Variants in STPG4 observed in about 807,000 individuals in gnomAD.
The protein encoded by STPG4 is sperm-tail PG-rich repeat containing 4.
A neutral mutation model predicts 31.5 loss-of-function variants in STPG4; 41 were observed. That is an observed-to-expected ratio of 1.30 (90% CI 1.01 to 1.69). STPG4 has a LOEUF of 1.69. Ranked by LOEUF, STPG4 falls within the 40% of genes most tolerant of loss-of-function variation. STPG4 has a pLI of 0.00. For missense variants in STPG4, 375 were observed against 293.4 expected (o/e 1.28, Z -2.03); for synonymous variants, 141 against 103.0 (o/e 1.37, Z -2.24).
At chr2:47,111,010 C>T (rs1172504550) in intron 5 of STPG4, among the ~76,000 whole-genome samples, 2 of 152,108 alleles carry the variant, frequency 1.3e-5, no homozygotes, top group Admixed American at 6.5e-5. Flanking sequence ...TTGATCATAT[C>T]TTTGTATAGG....
Position 47,101,386 on chromosome 2 carries a change from G to A in STPG4, c.520-11012C>T, listed in dbSNP as rs544076836. On this transcript the variant is annotated intron_variant, in intron 5 of 6. Transcript: ENST00000445927. Reference sequence around the variant, plus strand: ...CCGACAACAAGTTGGTTGACCCTGCGGCCATGAGCAGAACTCTAAAAGCAT... The same window carrying A: ...CCGACAACAAGTTGGTTGACCCTGCAGCCATGAGCAGAACTCTAAAAGCAT... Among the ~76,000 whole-genome samples, 25 of 151,736 alleles carry A rather than the reference G, an allele frequency of 1.6e-4. 1 individual carries two copies. Among genetic ancestry groups the A allele is most frequent in the Admixed American group, 1.4e-3 (21 of 15,250 alleles).
At chr2:47,117,171 T>C (rs908680071) in intron 5 of STPG4, among the ~76,000 whole-genome samples, 9 of 152,304 alleles carry the variant, frequency 5.9e-5, no homozygotes, top group African/African-American at 2.2e-4. Flanking sequence ...TGCTAAGTTT[T>C]GGAGGTGGCT....
rs1159961973 is a variant in STPG4, at chr2:47,090,077, A to T, written c.624+193T>A. The stretch of plus-strand genomic sequence containing the variant: ...GTCACTCTGAACCTGAAGTTGGTTG[A>T]GAACATCCAGGTATTTGAGGATTTC... On this transcript the variant is annotated intron_variant, in intron 6 of 6. Coordinates refer to ENST00000445927, the MANE Select transcript of STPG4 (RefSeq NM_001163561.2). Among the ~76,000 whole-genome samples the T allele has an allele frequency of 2.0e-5, 3 of 152,334 alleles. No homozygotes were observed. The East Asian group carries it at 5.8e-4, about 29-fold the overall frequency.
At chr2:47,105,950 G>C (rs112189233) in intron 5 of STPG4, among the ~76,000 whole-genome samples, 7 of 151,938 alleles carry the variant, frequency 4.6e-5, no homozygotes, top group African/African-American at 1.5e-4. Context: ...AAAGAGGTGG[G>C]AATCTTACAC....
intron 3 of STPG4, among the ~76,000 whole-genome samples, chr2:47,139,504 C>T (rs570157892): frequency 3.6e-4 from 55 of 151,540 alleles, no homozygotes; most frequent in Non-Finnish European, 6.5e-4. Context: ...TTCTAATAAG[C>T]CTGTTGATCT....
chr2:47,120,660 T>C (rs2103767599), intron 5 of STPG4, among the ~76,000 whole-genome samples: 1 of 152,274 alleles, frequency 6.6e-6, no homozygotes, highest in East Asian at 1.9e-4. Flanking sequence ...GGGTCCGGGT[T>C]TCAGTCATAT....
Position 47,155,270 on chromosome 2 carries a change from T to C in STPG4, c.-19A>G, listed in dbSNP as rs1452413693. 3 of 1,613,530 alleles carry C rather than the reference T, an allele frequency of 1.9e-6. No homozygotes were observed. Among genetic ancestry groups the C allele is most frequent in the Non-Finnish European group, 2.5e-6 (3 of 1,179,530 alleles). On this transcript the variant is annotated 5_prime_UTR_variant, in exon 1 of 7. Transcript: ENST00000445927. ...GGTCCATGGTGGCCTCCTCTCTCTC[T>C]AGGCTGAACCTGAGCTCCGGTTGCT...
At chr2:47,107,717 C>A (rs1265824441) in intron 5 of STPG4, among the ~76,000 whole-genome samples, 1 of 152,178 alleles carries the variant, frequency 6.6e-6, no homozygotes, top group Non-Finnish European at 1.5e-5. Context: ...GGTGCGGGAT[C>A]CACTGGGTGA....
At chr2:47,112,339 G>GTT (rs528001478) in intron 5 of STPG4, among the ~76,000 whole-genome samples, 16 of 144,878 alleles carry the variant, frequency 1.1e-4, no homozygotes, top group Admixed American at 3.4e-4. Context: ...GCTAATTTTT[G>GTT]TTTTTTTTTT....
intron 3 of STPG4, among the ~76,000 whole-genome samples, chr2:47,150,270 T>C (rs887801762): frequency 2.0e-5 from 3 of 152,194 alleles, no homozygotes; most frequent in African/African-American, 7.2e-5. Context: ...CCAGCCTCCT[T>C]TGGCACTTGA....
At chr2:47,107,662 C>T (rs555325418) in intron 5 of STPG4, among the ~76,000 whole-genome samples, 9 of 152,264 alleles carry the variant, frequency 5.9e-5, no homozygotes, top group African/African-American at 1.4e-4. Context: ...CTGAGGAGTG[C>T]GGGCACATGG....
At chr2:47,144,706 TA>T (rs572882192) in intron 3 of STPG4, among the ~76,000 whole-genome samples, 1 of 151,056 alleles carries the variant, frequency 6.6e-6, no homozygotes, top group Non-Finnish European at 1.5e-5. Flanking sequence ...GATAAAATAT[TA>T]AAAAAAAACA....
At chr2:47,144,833 C>T (rs1830050) in intron 3 of STPG4, among the ~76,000 whole-genome samples, 13,565 of 152,172 alleles carry the variant, frequency 0.089, 824 homozygotes, top group Non-Finnish European at 0.12. Context: ...CAGGTTCAAA[C>T]GATTCTCCTG....
chr2:47,140,062 C>T (rs56082957), intron 3 of STPG4, among the ~76,000 whole-genome samples: 13,878 of 152,240 alleles, frequency 0.091, 845 homozygotes, highest in Non-Finnish European at 0.12. Context: ...GCGTGAGCCA[C>T]AGCACCCAGC....
At chr2:47,089,247 T>G (rs889786002) in intron 6 of STPG4, among the ~76,000 whole-genome samples, 1 of 152,146 alleles carries the variant, frequency 6.6e-6, no homozygotes. Flanking sequence ...GCCACTAAGG[T>G]GTGTGGATCC....
At chr2:47,138,392 G>A (rs1408815204) in intron 3 of STPG4, among the ~76,000 whole-genome samples, 1 of 150,664 alleles carries the variant, frequency 6.6e-6, no homozygotes, top group African/African-American at 2.4e-5. Flanking sequence ...AATTTGTTAA[G>A]GTTTTTTTTT....
intron 3 of STPG4, among the ~76,000 whole-genome samples, chr2:47,133,966 T>C (rs959041896): frequency 2.0e-5 from 3 of 152,068 alleles, no homozygotes. Flanking sequence ...ACACCATCAA[T>C]GTCAGAAAAC....
At chr2:47,092,939 C>T (rs1435855266) in intron 5 of STPG4, among the ~76,000 whole-genome samples, 4 of 152,102 alleles carry the variant, frequency 2.6e-5, no homozygotes, top group South Asian at 4.1e-4. Context: ...ACTACAGGTG[C>T]GTGCCACCAA....
chr2:47,114,194 G>A (rs1686097681), intron 5 of STPG4, among the ~76,000 whole-genome samples: 1 of 150,872 alleles, frequency 6.6e-6, no homozygotes, highest in South Asian at 2.1e-4. Flanking sequence ...AACATAGCAA[G>A]ACCCCATTTT....
Sources: allele counts gnomAD v4.1 joint callset (sites outside exome capture counted in the v4.1 genomes callset), GRCh38; gene constraint gnomAD v4.1.1; transcripts MANE v1.5; gene names NCBI Gene and HGNC (gene_info 2026-07-23, HGNC 2026-07-21).